TULP4: variants seen among roughly 807,000 people sequenced by gnomAD.
TULP4 encodes the protein TUB like protein 4, also known as tubby-related protein 4.
TULP4 carries 16 observed loss-of-function variants against 129.0 expected under a neutral mutation model. That is an observed-to-expected ratio of 0.12 (90% CI 0.08 to 0.19). TULP4 has a LOEUF of 0.19. Ranked by LOEUF, TULP4 falls within the 10% of genes least tolerant of loss-of-function variation. The pLI is 1.00. For synonymous variants in TULP4, 998 were observed against 854.0 expected, an observed-to-expected ratio of 1.17 and a Z score of -2.94; for missense variants, 1,842 against 2,059.1, an observed-to-expected ratio of 0.89 and a Z score of 2.04.
intron 1 of TULP4, among the ~76,000 whole-genome samples, chr6:158,318,899 ATTT>A (rs56898948): frequency 6.0e-4 from 82 of 136,948 alleles, no homozygotes; most frequent in African/African-American, 2.1e-3. Flanking sequence ...CTAGTTACAA[ATTT>A]TTTTTTTTTT....
chr6:158,394,511 C>T lies in TULP4; in HGVS notation c.253-18554C>T, dbSNP rs564850013. On this transcript the variant is annotated intron_variant, in intron 1 of 13. Transcript: ENST00000367097. Reference sequence around the variant, plus strand: ...AAAGAACTACCTGCATGGCTGGGCGCGGTGGCTCACACCTGTAATCCCAGC... The same window carrying T: ...AAAGAACTACCTGCATGGCTGGGCGTGGTGGCTCACACCTGTAATCCCAGC... 1.3e-3 allele frequency among the ~76,000 whole-genome samples: 198 copies of T among 152,084 alleles called. 1 individual carries two copies. Among genetic ancestry groups the T allele is most frequent in the African/African-American group, 4.5e-3 (187 of 41,478 alleles).
At chr6:158,335,843 A>C (rs1780020680) in intron 1 of TULP4, among the ~76,000 whole-genome samples, 1 of 152,186 alleles carries the variant, frequency 6.6e-6, no homozygotes, top group African/African-American at 2.4e-5. Flanking sequence ...ATTTTACCCA[A>C]CAACTCTCCA....
chr6:158,449,696 C>T (rs531624941), intron 4 of TULP4, among the ~76,000 whole-genome samples: 40 of 152,190 alleles, frequency 2.6e-4, no homozygotes, highest in African/African-American at 8.9e-4. Context: ...CAGAAGCTCT[C>T]CTCCTCCTCA....
At chr6:158,389,270 G>A (rs1777532238) in intron 1 of TULP4, among the ~76,000 whole-genome samples, 1 of 152,190 alleles carries the variant, frequency 6.6e-6, no homozygotes, top group Admixed American at 6.5e-5. Context: ...GGAAACATGG[G>A]TGAAACCCCT....
At chr6:158,506,070 C>T (rs1231482657) in intron 13 of TULP4, among the ~76,000 whole-genome samples, 1 of 152,028 alleles carries the variant, frequency 6.6e-6, no homozygotes. Context: ...TAACATGTTC[C>T]TCAGTCCCCT....
intron 1 of TULP4, among the ~76,000 whole-genome samples, chr6:158,360,174 A>C (rs1412681245): frequency 2.6e-5 from 4 of 152,012 alleles, no homozygotes; most frequent in Admixed American, 2.0e-4. Flanking sequence ...ACAAATTAAC[A>C]GATTTCATGC....
chr6:158,315,984 G>A (rs538554158), intron 1 of TULP4, among the ~76,000 whole-genome samples: 19 of 152,188 alleles, frequency 1.2e-4, no homozygotes, highest in Admixed American at 5.2e-4. Flanking sequence ...ATCCTAGCAC[G>A]CCCCTCCTGA....
intron 6 of TULP4, among the ~76,000 whole-genome samples, chr6:158,471,186 C>G (rs910329594): frequency 6.7e-6 from 1 of 149,458 alleles, no homozygotes; most frequent in African/African-American, 2.5e-5. Flanking sequence ...CACACACACA[C>G]TACAGGACAA....
At chr6:158,249,798 C>T (rs1778104537) in intron 1 of TULP4, among the ~76,000 whole-genome samples, 1 of 152,190 alleles carries the variant, frequency 6.6e-6, no homozygotes, top group Admixed American at 6.5e-5. Flanking sequence ...TGCTCAATTA[C>T]ATTGCTATAT....
At chr6:158,376,077 G>A (rs550976604) in intron 1 of TULP4, among the ~76,000 whole-genome samples, 21 of 152,290 alleles carry the variant, frequency 1.4e-4, no homozygotes, top group African/African-American at 4.8e-4. Context: ...GAGGAGCAGA[G>A]CATTAGTGGC....
intron 6 of TULP4, among the ~76,000 whole-genome samples, chr6:158,463,825 A>C (rs1434786696): frequency 6.6e-6 from 1 of 151,986 alleles, no homozygotes; most frequent in African/African-American, 2.4e-5. Flanking sequence ...TTCTTCTTTT[A>C]ATTGTGGTAA....
chr6:158,400,196 G>A (rs1433732294), intron 1 of TULP4, among the ~76,000 whole-genome samples: 1 of 152,138 alleles, frequency 6.6e-6, no homozygotes, highest in Non-Finnish European at 1.5e-5. Context: ...ATTTACTGAA[G>A]TGCATTATTG....
chr6:158,239,942 G>A (rs1583665307), intron 1 of TULP4, among the ~76,000 whole-genome samples: 2 of 78,078 alleles, frequency 2.6e-5, no homozygotes, highest in Non-Finnish European at 6.0e-5. Context: ...GGGCAGGGGG[G>A]CTGACCCCCC....
Position 158,365,899 on chromosome 6 carries a change from C to CTTTTTTTTTTTTTTTTTTTTTTTTTT in TULP4, c.253-47145_253-47144insTTTTTTTTTTTTTTTTTTTTTTTTTT, listed in dbSNP as rs5881257. 1.2e-4 allele frequency among the ~76,000 whole-genome samples: 7 copies of CTTTTTTTTTTTTTTTTTTTTTTTTTT among 57,558 alleles called. 1 individual carries two copies. Among genetic ancestry groups the CTTTTTTTTTTTTTTTTTTTTTTTTTT allele is most frequent in the Admixed American group, 3.1e-4 (1 of 3,244 alleles). 37.8% of individuals were successfully genotyped at this position (57,558 alleles called of 152,430 possible). A position where few individuals can be genotyped will look rare whatever the true frequency, so the allele number is the denominator to read the frequency against. The stretch of plus-strand genomic sequence containing the variant: ...TCTTTTTTTTTTTTTCTTTTTCTTT[C>CTTTTTTTTTTTTTTTTTTTTTTTTTT]TTTTTTTTTTTTTTTTTTTTTGAGA... On this transcript the variant is annotated intron_variant, in intron 1 of 13. Transcript: ENST00000367097.
intron 1 of TULP4, among the ~76,000 whole-genome samples, chr6:158,291,729 T>A (rs1027887555): frequency 6.6e-6 from 1 of 152,224 alleles, no homozygotes; most frequent in African/African-American, 2.4e-5. Context: ...TATCTCCTTG[T>A]GTCTCTGTGC....
At chr6:158,394,661 C>T (rs758786436) in intron 1 of TULP4, among the ~76,000 whole-genome samples, 11 of 151,246 alleles carry the variant, frequency 7.3e-5, no homozygotes, top group Non-Finnish European at 1.3e-4. Flanking sequence ...GTGGCGGGCG[C>T]CTGTAGTCCC....
chr6:158,387,933 A>G (rs567625561), intron 1 of TULP4, among the ~76,000 whole-genome samples: 1 of 152,346 alleles, frequency 6.6e-6, no homozygotes, highest in South Asian at 2.1e-4. Context: ...AGTCTTTGCA[A>G]ATTTAACTTA....
intron 1 of TULP4, chr6:158,242,221 G>T: frequency 2.0e-6 from 3 of 1,506,684 alleles, no homozygotes; most frequent in Non-Finnish European, 2.8e-6. Flanking sequence ...AAGACCTTCA[G>T]CTTTTTGTAG....
chr6:158,345,525 G>C (rs771334818), intron 1 of TULP4, among the ~76,000 whole-genome samples: 10 of 152,210 alleles, frequency 6.6e-5, no homozygotes, highest in Non-Finnish European at 1.5e-4. Context: ...TCACATATCG[G>C]TAGGACCGTG....
Sources: allele counts gnomAD v4.1 joint callset (sites outside exome capture counted in the v4.1 genomes callset), GRCh38; gene constraint gnomAD v4.1.1; transcripts MANE v1.5; gene names NCBI Gene and HGNC (gene_info 2026-07-23, HGNC 2026-07-21).